Variants in CERT1 observed in about 807,000 individuals in gnomAD.
CERT1 encodes ceramide transfer protein.
A neutral mutation model predicts 87.9 loss-of-function variants in CERT1; 31 were observed. The observed-to-expected ratio is 0.35, with a 90% CI of 0.27 to 0.48. CERT1 has a LOEUF of 0.48. CERT1 is among the 20% of genes least tolerant of loss of function. The pLI is 0.99. For synonymous variants in CERT1, 289 were observed against 250.9 expected (o/e 1.15, Z -1.44); for missense variants, 487 against 758.0 (o/e 0.64, Z 4.20).
At chr5:75,374,831 G>A (rs1761230893), downstream of CERT1, 1 of 518,144 alleles carries the variant, frequency 1.9e-6, no homozygotes, top group Non-Finnish European at 3.8e-6. Flanking sequence ...CTTAAAGACT[G>A]AAGATGGACT....
At chr5:75,485,627 A>G (rs1766487026) in intron 2 of CERT1, among the ~76,000 whole-genome samples, 1 of 152,038 alleles carries the variant, frequency 6.6e-6, no homozygotes, top group South Asian at 2.1e-4. Context: ...CAACAACCTA[A>G]GAAAAAGAGA....
chr5:75,411,017 A>G lies in CERT1; in HGVS notation c.924T>C (p.Asp308=), dbSNP rs764624547. 4.6e-6 allele frequency: 7 copies of G among 1,538,144 alleles called. No individual in the cohort carries two copies. The highest frequency in any genetic ancestry group is 1.8e-5 in the Admixed American group (1 of 56,784). The change falls in exon 8 of 17, where the codon GAT becomes GAC. Residue 308 remains aspartate, a synonymous_variant. Coordinates refer to ENST00000643780, the MANE Select transcript of CERT1 (RefSeq NM_001379029.1). ...TCAAAATATAAATTCATACTTCATA[A>G]TCTGGTCCTCCAAAGTGGGATTTTT... ...LKKKSHFGGP[D]YEEGPNSLIN... is the part of the protein sequence containing the mutation.
chr5:75,474,419 G>A (rs1479380482), intron 2 of CERT1, among the ~76,000 whole-genome samples: 1 of 152,062 alleles, frequency 6.6e-6, no homozygotes, highest in Non-Finnish European at 1.5e-5. Context: ...TTACAGTTTG[G>A]TGAAATAAAG....
chr5:75,410,842 A>G (rs1362743432), intron 8 of CERT1, 169 bp downstream of exon 8: 7 of 415,116 alleles, frequency 1.7e-5, no homozygotes, highest in Non-Finnish European at 2.5e-5. Context: ...TATATATTTG[A>G]GCATGCCTGG....
chr5:75,382,119 G>A, intron 14 of CERT1, 42 bp from the exon 15 acceptor site: 1 of 1,576,718 alleles, frequency 6.3e-7, no homozygotes, highest in Non-Finnish European at 8.6e-7. Flanking sequence ...GATCTAACAT[G>A]GAACTAACAA....
At position 75,477,647 on chromosome 5, in the gene CERT1, T is replaced by TAAAAA. The variant is rs540588442; in HGVS notation, c.232-18471_232-18467dup. Among the ~76,000 whole-genome samples the TAAAAA allele has an allele frequency of 1.0e-3, 92 of 89,284 alleles. 5 individuals carry two copies. Among genetic ancestry groups the TAAAAA allele is most frequent in the South Asian group, 3.4e-3 (8 of 2,376 alleles). The allele number at this position is 89,284 out of a possible 152,430, so 58.6% of individuals were successfully genotyped here. The stretch of plus-strand genomic sequence containing the variant: ...ATGAGAGTAAAGGTCTAATAAGTTG[T>TAAAAA]AAAAAAAAAAAAAAAAAAAAAACAA... On this transcript the variant is annotated intron_variant, in intron 2 of 16. Transcript: ENST00000643780.
At chr5:75,503,673 A>C (rs1167260085) in intron 2 of CERT1, among the ~76,000 whole-genome samples, 1 of 151,752 alleles carries the variant, frequency 6.6e-6, no homozygotes, top group African/African-American at 2.4e-5. Context: ...TTCTACTTTT[A>C]TCTCTCCTTC....
intron 3 of CERT1, among the ~76,000 whole-genome samples, chr5:75,454,616 G>C (rs1764896118): frequency 6.6e-6 from 1 of 152,184 alleles, no homozygotes. Flanking sequence ...GGAGATGAGA[G>C]CCTTCAAGAT....
At chr5:75,486,300 C>T (rs61430233) in intron 2 of CERT1, among the ~76,000 whole-genome samples, 35,506 of 151,898 alleles carry the variant, frequency 0.23, 4,308 homozygotes, top group South Asian at 0.43. Context: ...TCAACATCCT[C>T]TCATGATAAA....
chr5:75,424,451 A>G (rs1763516172), intron 5 of CERT1, among the ~76,000 whole-genome samples: 1 of 152,092 alleles, frequency 6.6e-6, no homozygotes, highest in Non-Finnish European at 1.5e-5. Flanking sequence ...ACGTGCCTGT[A>G]ATCCCAGCTA....
chr5:75,390,096 T>C (rs1761968622), intron 11 of CERT1, among the ~76,000 whole-genome samples: 1 of 152,226 alleles, frequency 6.6e-6, no homozygotes, highest in Admixed American at 6.5e-5. Flanking sequence ...TTTAAGATTA[T>C]GTGGAGATAT....
At chr5:75,468,257 C>A (rs1239898077) in intron 2 of CERT1, among the ~76,000 whole-genome samples, 1 of 152,114 alleles carries the variant, frequency 6.6e-6, no homozygotes, top group Admixed American at 6.5e-5. Flanking sequence ...GTTCACAATA[C>A]CTGTTTATGG....
In CERT1 at chr5:75,411,108, T is replaced by G. The variant is rs1762918312; in HGVS notation, c.838-5A>C. Reference sequence around the variant, plus strand: ...TCTTCTTTTCTTCTCAGTTTCCTATTAAAAAGAAGTGAAAAATCTGTAATT... The same window carrying G: ...TCTTCTTTTCTTCTCAGTTTCCTATGAAAAAGAAGTGAAAAATCTGTAATT... On this transcript the variant is annotated splice_region_variant and splice_polypyrimidine_tract_variant and intron_variant, in intron 7 of 16. Coordinates refer to ENST00000643780, the MANE Select transcript of CERT1 (RefSeq NM_001379029.1). 6.7e-7 allele frequency: 1 copy of G among 1,494,846 alleles called. No individual in the cohort carries two copies. Among genetic ancestry groups the G allele is most frequent in the South Asian group, 1.2e-5 (1 of 81,922 alleles). 92.6% of individuals were successfully genotyped at this position (1,494,846 alleles called of 1,614,324 possible). A position where few individuals can be genotyped will look rare whatever the true frequency, so the allele number is the denominator to read the frequency against.
chr5:75,503,303 T>C (rs954193002), intron 2 of CERT1, among the ~76,000 whole-genome samples: 4 of 151,832 alleles, frequency 2.6e-5, no homozygotes, highest in African/African-American at 9.7e-5. Flanking sequence ...TTCATAAGAG[T>C]GCCATATAAA....
chr5:75,380,579 G>T (rs1761529479), intron 16 of CERT1, among the ~76,000 whole-genome samples: 1 of 151,970 alleles, frequency 6.6e-6, no homozygotes, highest in Non-Finnish European at 1.5e-5. Context: ...ACGAGGTCAG[G>T]AGTTCAAGAC....
At position 75,451,661 on chromosome 5, in the gene CERT1, A is replaced by G. The variant is rs142009615; in HGVS notation, c.348+7404T>C. On this transcript the variant is annotated intron_variant, in intron 3 of 16. Coordinates refer to ENST00000643780, the MANE Select transcript of CERT1 (RefSeq NM_001379029.1). ...GAGAGGGTATCTGTTAAAATCCAAT[A>G]TTGATTTTAAATGGCACAAACCAAC... is the stretch of plus-strand genomic sequence containing the variant. 2.1e-3 allele frequency among the ~76,000 whole-genome samples: 316 copies of G among 152,300 alleles called. 1 individual carries two copies. In the East Asian group the frequency reaches 0.027, roughly 13 times the overall value.
At chr5:75,419,495 T>C in intron 5 of CERT1, 71 bp from the exon 6 acceptor site, 2 of 1,012,860 alleles carry the variant, frequency 2.0e-6, no homozygotes, top group East Asian at 5.2e-5. Flanking sequence ...TATGTTCAAC[T>C]GAGTCATTTT....
At chr5:75,434,383 TGTATTC>T (rs1339971271) in intron 3 of CERT1, among the ~76,000 whole-genome samples, 1 of 152,154 alleles carries the variant, frequency 6.6e-6, no homozygotes, top group African/African-American at 2.4e-5. Flanking sequence ...GACGTGCTGC[TGTATTC>T]AATTTGCTAA....
intron 5 of CERT1, among the ~76,000 whole-genome samples, chr5:75,422,047 A>T (rs373755139): frequency 2.1e-4 from 32 of 152,288 alleles, no homozygotes; most frequent in African/African-American, 7.5e-4. Flanking sequence ...CCACATATCA[A>T]GGAACTTTTG....
Sources: allele counts gnomAD v4.1 joint callset (sites outside exome capture counted in the v4.1 genomes callset), GRCh38; gene constraint gnomAD v4.1.1; transcripts MANE v1.5; gene names NCBI Gene and HGNC (gene_info 2026-07-23, HGNC 2026-07-21).